ZNF738: variants seen among roughly 807,000 people sequenced by gnomAD.
ZNF738 encodes the protein protein ZNF738.
In ZNF738, 10 loss-of-function variants were observed where a neutral mutation model predicts 9.2. The ratio of observed to expected loss-of-function variants is 1.09; its 90% CI spans 0.67 to 1.85. The LOEUF is 1.85. Ranked by LOEUF, ZNF738 falls within the 40% of genes most tolerant of loss-of-function variation. The pLI, the probability that ZNF738 is intolerant of heterozygous loss-of-function variation, is 0.00. For missense variants in ZNF738, 346 were observed against 283.6 expected, an observed-to-expected ratio of 1.22 and a Z score of -1.58; for synonymous variants, 113 against 94.5, an observed-to-expected ratio of 1.20 and a Z score of -1.14.
In ZNF738 at chr19:21,387,229, C is replaced by T. The variant is rs1974077889; in HGVS notation, c.*3555C>T. The T allele has an allele frequency of 6.6e-6, 1 of 152,112 alleles. No homozygotes were observed. The highest frequency in any genetic ancestry group is 6.6e-5 in the Admixed American group (1 of 15,246). 9.4% of individuals were successfully genotyped at this position (152,112 alleles called of 1,614,324 possible). ...TTGAGATGAAGTCTCACTCTTGTCC[C>T]CCAGGCTGGTGTGCAATGGCATGAT... On this transcript the variant is annotated 3_prime_UTR_variant, in exon 5 of 5. Transcript: ENST00000683779.
chr19:21,381,516 T>TG (rs1164741729), intron 4 of ZNF738: 1 of 866,912 alleles, frequency 1.2e-6, no homozygotes, highest in Non-Finnish European at 1.9e-6. Flanking sequence ...TTTTTCGAGA[T>TG]GGAGTCTCAT....
intron 2 of ZNF738, among the ~76,000 whole-genome samples, chr19:21,363,857 C>T (rs866832064): frequency 2.9e-5 from 4 of 138,078 alleles, no homozygotes; most frequent in Non-Finnish European, 6.1e-5. Flanking sequence ...CCACTGCACT[C>T]CAGACTGGGT....
rs1309062287 is a variant in ZNF738, at chr19:21,383,296, C to G, written c.750C>G (p.His250Gln). The G allele has an allele frequency of 6.5e-7, 1 of 1,533,798 alleles. No homozygotes were observed. The highest frequency in any genetic ancestry group is 1.4e-5 in the African/African-American group (1 of 72,340). Residue 250 changes from histidine (H) to glutamine (Q), a missense_variant, in exon 5 of 5, where the codon CAC becomes CAG. Coordinates refer to ENST00000683779, the MANE Select transcript of ZNF738 (RefSeq NM_001355237.2). The part of the protein sequence containing the change: ...AFKWFSTLTR[H>Q]KRIHTGDKSY... Reference sequence around the variant, plus strand: ...AATGGTTCTCAACCCTTACTAGACACAAGAGAATTCATACTGGAGACAAAT... The same window carrying G: ...AATGGTTCTCAACCCTTACTAGACAGAAGAGAATTCATACTGGAGACAAAT...
intron 2 of ZNF738, among the ~76,000 whole-genome samples, chr19:21,364,693 T>C (rs1261344902): frequency 6.6e-6 from 1 of 151,482 alleles, no homozygotes; most frequent in African/African-American, 2.4e-5. Flanking sequence ...GCTTACTCCA[T>C]AGGCAGAGCA....
intron 2 of ZNF738, among the ~76,000 whole-genome samples, chr19:21,364,196 C>A (rs867796248): frequency 5.2e-3 from 466 of 89,906 alleles, no homozygotes; most frequent in South Asian, 7.3e-3. Flanking sequence ...GAATCCGTCT[C>A]AAAAAAAAAA....
At chr19:21,381,832 TG>T in intron 4 of ZNF738, 1 of 294,106 alleles carries the variant, frequency 3.4e-6, no homozygotes, top group East Asian at 8.9e-5. Flanking sequence ...TGGTTACTGC[TG>T]AAGGTGTCAG....
rs1034151894 is a variant in ZNF738, at chr19:21,384,346, G to A, written c.*672G>A. Among the ~76,000 whole-genome samples the A allele has an allele frequency of 1.3e-5, 2 of 152,144 alleles. No individual in the cohort carries two copies. The highest frequency in any genetic ancestry group is 6.5e-5 in the Admixed American group (1 of 15,282). On this transcript the variant is annotated 3_prime_UTR_variant, in exon 5 of 5. Transcript: ENST00000683779. Reference sequence around the variant, plus strand: ...GAGAGACCCTACAAGTGTGAAGAATGTGGCAAAGCCTTTAATGTATTCTCA... The same window carrying A: ...GAGAGACCCTACAAGTGTGAAGAATATGGCAAAGCCTTTAATGTATTCTCA...
At chr19:21,365,053 C>T (rs1432497553) in intron 2 of ZNF738, among the ~76,000 whole-genome samples, 6 of 151,948 alleles carry the variant, frequency 3.9e-5, no homozygotes, top group Non-Finnish European at 8.8e-5. Flanking sequence ...CCACTGCACC[C>T]AGCCAGTTAT....
intron 2 of ZNF738, among the ~76,000 whole-genome samples, chr19:21,366,082 A>G (rs1434352315): frequency 6.6e-6 from 1 of 152,154 alleles, no homozygotes; most frequent in Non-Finnish European, 1.5e-5. Flanking sequence ...CGTTTCCAGA[A>G]GTCCTGTCAG....
Position 21,374,507 on chromosome 19 carries a change from C to G in ZNF738, c.97-731C>G, listed in dbSNP as rs1225417289. 2.6e-5 allele frequency among the ~76,000 whole-genome samples: 4 copies of G among 152,308 alleles called. No individual in the cohort carries two copies. The East Asian group carries it at 7.7e-4, about 29-fold the overall frequency. On this transcript the variant is annotated intron_variant, in intron 2 of 4. Transcript: ENST00000683779. ...GATTTTAAAATTTACTTCAAGAGCT[C>G]TTGGAAATATTCATTTCACTGTAGA...
intron 2 of ZNF738, chr19:21,372,555 A>G (rs1371294599): frequency 6.6e-6 from 1 of 152,230 alleles, no homozygotes; most frequent in Non-Finnish European, 1.5e-5. Context: ...TAAATTTTGT[A>G]GTAAAACCAG....
Position 21,386,357 on chromosome 19 carries a change from C to A in ZNF738, c.*2683C>A. 3.2e-6 allele frequency: 1 copy of A among 310,334 alleles called. No individual in the cohort carries two copies. 19.2% of individuals were successfully genotyped at this position (310,334 alleles called of 1,614,324 possible). On this transcript the variant is annotated 3_prime_UTR_variant, in exon 5 of 5. Coordinates refer to ENST00000683779, the MANE Select transcript of ZNF738 (RefSeq NM_001355237.2). ...GGGAAATCCCACCCATGTGGCAAAG[C>A]TTTTAATCAATCCTCAAACCTTACT...
intron 2 of ZNF738, among the ~76,000 whole-genome samples, chr19:21,364,262 G>A (rs1395673619): frequency 6.7e-6 from 1 of 149,896 alleles, no homozygotes; most frequent in East Asian, 1.9e-4. Context: ...AAAATTTTAA[G>A]GAATGCAATT....
chr19:21,368,748 G>A (rs1456080685), intron 2 of ZNF738, among the ~76,000 whole-genome samples: 1 of 151,726 alleles, frequency 6.6e-6, no homozygotes, highest in African/African-American at 2.4e-5. Flanking sequence ...AAGCCAAAGC[G>A]CCCAGCCAGA....
rs1974087734 is a variant in ZNF738 at position 21,388,020 on chromosome 19, A to G, written c.*4346A>G. 6.6e-6 allele frequency among the ~76,000 whole-genome samples: 1 copy of G among 152,174 alleles called. No individual in the cohort carries two copies. The highest frequency in any genetic ancestry group is 6.5e-5 in the Admixed American group (1 of 15,280). On this transcript the variant is annotated 3_prime_UTR_variant, in exon 5 of 5. Transcript: ENST00000683779. ...AAAAATGAAAAAATATTTAATCCAA[A>G]TTAGGGCTATGTAAATATCAGAATT... is the stretch of plus-strand genomic sequence containing the variant.
intron 2 of ZNF738, among the ~76,000 whole-genome samples, chr19:21,365,722 C>T (rs987558008): frequency 6.6e-6 from 1 of 152,006 alleles, no homozygotes; most frequent in South Asian, 2.1e-4. Context: ...TCTGAGAAGC[C>T]TAGGCGGGTG....
chr19:21,374,838 AT>A (rs1203765004), intron 2 of ZNF738, among the ~76,000 whole-genome samples: 9 of 152,256 alleles, frequency 5.9e-5, no homozygotes, highest in Admixed American at 5.2e-4. Flanking sequence ...AAAAAAAAAA[AT>A]CTGCATAAGA....
Position 21,384,014 on chromosome 19 carries a change from CA to C in ZNF738, c.*343del. 1 of 1,516,744 alleles carries C rather than the reference CA, an allele frequency of 6.6e-7. No homozygotes were observed. Among genetic ancestry groups the C allele is most frequent in the East Asian group, 2.3e-5 (1 of 44,068 alleles). 94.0% of individuals were successfully genotyped at this position (1,516,744 alleles called of 1,614,324 possible). On this transcript the variant is annotated 3_prime_UTR_variant, in exon 5 of 5. Coordinates refer to ENST00000683779, the MANE Select transcript of ZNF738 (RefSeq NM_001355237.2). ...AACCCTACAAATGTGAAGAATGTGG[CA>C]AAGCTTTCTACCGATTCATTTACCT... is the stretch of plus-strand genomic sequence containing the variant.
At position 21,386,889 on chromosome 19, in the gene ZNF738, C is replaced by G. The variant is rs2968043; in HGVS notation, c.*3215C>G. The G allele has an allele frequency of 8.4e-5, 13 of 154,534 alleles. No individual in the cohort carries two copies. The highest frequency in any genetic ancestry group is 2.6e-4 in the African/African-American group (11 of 41,514). The allele number at this position is 154,534 out of a possible 1,614,324, so 9.6% of individuals were successfully genotyped here. A position where few individuals can be genotyped will look rare whatever the true frequency, so the allele number is the denominator to read the frequency against. ...TACCCATCTAATTTTGTATGTTTAG[C>G]AGAGATGGGGTTTCTCCATGTAGAT... On this transcript the variant is annotated 3_prime_UTR_variant, in exon 5 of 5. Coordinates refer to ENST00000683779, the MANE Select transcript of ZNF738 (RefSeq NM_001355237.2).
Sources: allele counts gnomAD v4.1 joint callset (sites outside exome capture counted in the v4.1 genomes callset), GRCh38; gene constraint gnomAD v4.1.1; transcripts MANE v1.5; gene names NCBI Gene and HGNC (gene_info 2026-07-23, HGNC 2026-07-21).